The following APOBEC3D variants were observed in gnomAD, a reference collection of about 807,000 sequenced individuals.
APOBEC3D encodes DNA dC->dU-editing enzyme APOBEC-3D.
In APOBEC3D, 37 loss-of-function variants were observed where a neutral mutation model predicts 45.6. The ratio of observed to expected loss-of-function variants is 0.81; its 90% CI spans 0.62 to 1.07. The LOEUF is 1.07. APOBEC3D is among the 50% of genes least tolerant of loss of function. The probability of loss-of-function intolerance (pLI) is 0.00; values close to 1 mark genes in which losing one functional copy is unlikely to be tolerated. For missense variants in APOBEC3D, 496 were observed against 495.3 expected (o/e 1.00, Z -0.01); for synonymous variants, 175 against 180.7 (o/e 0.97, Z 0.25).
In APOBEC3D at chr22:39,021,342, G is replaced by A. The variant is rs1246038904; in HGVS notation, c.-178G>A. 2.8e-6 allele frequency: 2 copies of A among 719,642 alleles called. No homozygotes were observed. Among genetic ancestry groups the A allele is most frequent in the South Asian group, 1.6e-5 (1 of 60,978 alleles). 44.6% of individuals were successfully genotyped at this position (719,642 alleles called of 1,614,324 possible). A position where few individuals can be genotyped will look rare whatever the true frequency, so the allele number is the denominator to read the frequency against. Reference sequence around the variant, plus strand: ...AGGCTGGTCTCGAACTCCTGACCTCGTGATCCGCCCGCCTCGGCCTCCCAA... The same window carrying A: ...AGGCTGGTCTCGAACTCCTGACCTCATGATCCGCCCGCCTCGGCCTCCCAA... On this transcript the variant is annotated 5_prime_UTR_variant, in exon 1 of 7. In the 5' UTR this introduces an upstream ATG that the reference lacks. Coordinates refer to ENST00000216099, the MANE Select transcript of APOBEC3D (RefSeq NM_152426.4).
At chr22:39,029,598 C>T (rs1203995368) in intron 5 of APOBEC3D, 79 bp downstream of exon 5, 1 of 1,550,904 alleles carries the variant, frequency 6.4e-7, no homozygotes, top group African/African-American at 1.4e-5. Flanking sequence ...GTGACGTGCC[C>T]CGCGTGGGCT....
rs768328610 is a variant in APOBEC3D, at chr22:39,031,719, C to T, written c.788C>T (p.Ala263Val). 4.6e-5 allele frequency: 74 copies of T among 1,612,616 alleles called. No homozygotes were observed. Among genetic ancestry groups the T allele is most frequent in the Non-Finnish European group, 5.9e-5 (70 of 1,178,846 alleles). The change falls in exon 6 of 7, where the codon GCA becomes GTA. Residue 263 changes from alanine (A) to valine (V), a missense_variant. Physicochemically the swap from Ala to Val is moderately conservative, Grantham distance 64 (BLOSUM62 0). Transcript: ENST00000216099. The stretch of plus-strand genomic sequence containing the variant: ...GTGGATCCTGAGACCCATTGTCATG[C>T]AGAAAGGTGCTTCCTCTCTTGGTTC... ...NQVDPETHCH[A>V]ERCFLSWFCD... is the part of the protein sequence containing the mutation.
intron 4 of APOBEC3D, among the ~76,000 whole-genome samples, chr22:39,027,216 G>GAAC (rs1925760727): frequency 1.3e-5 from 2 of 152,164 alleles, no homozygotes; most frequent in African/African-American, 4.8e-5. Flanking sequence ...GCCTGCCAGG[G>GAAC]AACAACTCTG....
intron 5 of APOBEC3D, among the ~76,000 whole-genome samples, chr22:39,030,115 GGT>G (rs773390790): frequency 6.6e-6 from 1 of 150,384 alleles, no homozygotes; most frequent in Non-Finnish European, 1.5e-5. Context: ...CGGTGGGTCT[GGT>G]GTCCAGCACT....
intron 4 of APOBEC3D, among the ~76,000 whole-genome samples, chr22:39,026,915 T>A (rs1318969260): frequency 2.0e-5 from 3 of 151,986 alleles, no homozygotes; most frequent in African/African-American, 7.3e-5. Flanking sequence ...CCATGCCGGC[T>A]AATTTTTGTA....
intron 5 of APOBEC3D, 66 bp from the exon 6 acceptor site, chr22:39,031,628 C>G: frequency 2.5e-6 from 4 of 1,590,714 alleles, no homozygotes; most frequent in Non-Finnish European, 3.4e-6. Flanking sequence ...CTCCCATCGC[C>G]CCACCCCTAC....
chr22:39,025,924 C>T (rs1925615665), intron 4 of APOBEC3D, among the ~76,000 whole-genome samples: 1 of 152,152 alleles, frequency 6.6e-6, no homozygotes, highest in Non-Finnish European at 1.5e-5. Context: ...GGCTGCCCTC[C>T]CCACAGCCTG....
intron 3 of APOBEC3D, 52 bp from the exon 4 acceptor site, chr22:39,025,505 G>A (rs1423866442): frequency 1.2e-6 from 2 of 1,613,962 alleles, no homozygotes; most frequent in East Asian, 2.2e-5. Context: ...GCCTGGGAGG[G>A]CAGGCCCAGG....
At position 39,022,703 on chromosome 22, in the gene APOBEC3D, G is replaced by C. The variant is rs576470540; in HGVS notation, c.18-119G>C. The C allele has an allele frequency of 1.8e-5, 24 of 1,326,366 alleles. No individual in the cohort carries two copies. The South Asian group carries it at 3.7e-4, about 20-fold the overall frequency. The allele number at this position is 1,326,366 out of a possible 1,614,324, so 82.2% of individuals were successfully genotyped here. ...CCTGGGAAGGCAGCAGAAATTCTCAGGGCTGTGGAGGGGTGGGGGAGGCCC... is the reference window on the plus strand; with the variant it reads ...CCTGGGAAGGCAGCAGAAATTCTCACGGCTGTGGAGGGGTGGGGGAGGCCC... On this transcript the variant is annotated intron_variant, in intron 1 of 6. Coordinates refer to ENST00000216099, the MANE Select transcript of APOBEC3D (RefSeq NM_152426.4).
At chr22:39,025,773 C>A (rs1020190561) in intron 4 of APOBEC3D, 102 bp downstream of exon 4, 5 of 1,585,344 alleles carry the variant, frequency 3.2e-6, no homozygotes, top group East Asian at 2.2e-5. Context: ...GTCCTGCCCC[C>A]CTGCCTGCCC....
chr22:39,029,041 A>T (rs1038301868), intron 4 of APOBEC3D, among the ~76,000 whole-genome samples: 1 of 152,244 alleles, frequency 6.6e-6, no homozygotes, highest in Non-Finnish European at 1.5e-5. Flanking sequence ...CAATTATTTC[A>T]GGGTGAAGAG....
rs776328259 is a variant in APOBEC3D at position 39,032,320 on chromosome 22, G to A, written c.*4G>A. ...GCTACGGGAGATTCTCCAGTGAGGGGTCTCCCTGGGCCTCATGGTCTGTCT... is the reference window on the plus strand; with the variant it reads ...GCTACGGGAGATTCTCCAGTGAGGGATCTCCCTGGGCCTCATGGTCTGTCT... On this transcript the variant is annotated 3_prime_UTR_variant, in exon 7 of 7. Transcript: ENST00000216099. The A allele has an allele frequency of 1.4e-4, 225 of 1,613,746 alleles. 1 individual carries two copies. Among genetic ancestry groups the A allele is most frequent in the Non-Finnish European group, 1.7e-4 (203 of 1,179,884 alleles).
At chr22:39,024,266 C>T (rs1925411918) in intron 2 of APOBEC3D, among the ~76,000 whole-genome samples, 1 of 152,190 alleles carries the variant, frequency 6.6e-6, no homozygotes, top group South Asian at 2.1e-4. Context: ...GTTTCAGATG[C>T]TCAGTAGCGC....
chr22:39,025,888 C>A (rs940562817), intron 4 of APOBEC3D, among the ~76,000 whole-genome samples: 7 of 152,098 alleles, frequency 4.6e-5, no homozygotes, highest in African/African-American at 1.7e-4. Flanking sequence ...CCTTCTGCCT[C>A]CAGAGCGACC....
At position 39,033,225 on chromosome 22, in the gene APOBEC3D, T is replaced by A. The variant is rs1357993864; in HGVS notation, c.*909T>A. 1.0e-6 allele frequency: 1 copy of A among 972,314 alleles called. No individual in the cohort carries two copies. The highest frequency in any genetic ancestry group is 1.2e-6 in the Non-Finnish European group (1 of 818,222). The allele number at this position is 972,314 out of a possible 1,614,324, so 60.2% of individuals were successfully genotyped here. ...GATCAAGACCCTGCCTGAAAATAAATCAATAAATACACTCAACCTAAATGG... is the reference window on the plus strand; with the variant it reads ...GATCAAGACCCTGCCTGAAAATAAAACAATAAATACACTCAACCTAAATGG... On this transcript the variant is annotated 3_prime_UTR_variant, in exon 7 of 7. Coordinates refer to ENST00000216099, the MANE Select transcript of APOBEC3D (RefSeq NM_152426.4).
rs540100319 is a variant in APOBEC3D, at chr22:39,022,863, A to G, written c.59A>G (p.Asn20Ser). ...ATGTATCGAGACACATTCTACGACA[A>G]CTTTGAAAACGAACCCATCCTCTAT... ...ERMYRDTFYD[N>S]FENEPILYGR... Residue 20 changes from asparagine (N) to serine (S), a missense_variant, in exon 2 of 7, where the codon AAC (asparagine) becomes AGC (serine). By Grantham distance (46) the Asn-to-Ser change is conservative. Coordinates refer to ENST00000216099, the MANE Select transcript of APOBEC3D (RefSeq NM_152426.4). The G allele has an allele frequency of 9.9e-6, 16 of 1,612,104 alleles. No individual in the cohort carries two copies. Among genetic ancestry groups the G allele is most frequent in the Middle Eastern group, 2.0e-4 (1 of 5,126 alleles).
At chr22:39,026,751 T>G (rs531453708) in intron 4 of APOBEC3D, among the ~76,000 whole-genome samples, 15 of 149,034 alleles carry the variant, frequency 1.0e-4, no homozygotes, top group African/African-American at 3.9e-4. Flanking sequence ...TGAGTAAGGT[T>G]TTTTTGTTTT....
chr22:39,025,050 T>G lies in APOBEC3D; in HGVS notation c.211-20T>G, dbSNP rs757356815. The G allele has an allele frequency of 9.9e-6, 11 of 1,106,418 alleles. 1 individual carries two copies. In the South Asian group the frequency reaches 2.2e-4, roughly 22 times the overall value. The allele number at this position is 1,106,418 out of a possible 1,614,324, so 68.5% of individuals were successfully genotyped here. ...TGTTCCCCCGTCCCAGAGCTTCCCC[T>G]GCCCCTGCTCCTCTCCCAGGTGTAT... On this transcript the variant is annotated intron_variant, in intron 2 of 6. Transcript: ENST00000216099.
chr22:39,032,654 C>T lies in APOBEC3D; in HGVS notation c.*338C>T. 1.0e-6 allele frequency: 1 copy of T among 980,150 alleles called. No individual in the cohort carries two copies. The highest frequency in any genetic ancestry group is 1.2e-6 in the Non-Finnish European group (1 of 819,038). 60.7% of individuals were successfully genotyped at this position (980,150 alleles called of 1,614,324 possible). A position where few individuals can be genotyped will look rare whatever the true frequency, so the allele number is the denominator to read the frequency against. On this transcript the variant is annotated 3_prime_UTR_variant, in exon 7 of 7. Transcript: ENST00000216099. ...TGTCGCCCAGACTAGAGTGCAATGG[C>T]TGGATCTCAGCTCACTGCAAACTCT... is the stretch of plus-strand genomic sequence containing the variant.
Sources: gnomAD v4.1 joint callset for allele counts (sites outside exome capture counted in the v4.1 genomes callset) on GRCh38, gnomAD v4.1.1 for gene constraint, MANE v1.5 for transcripts, NCBI Gene and HGNC (gene_info 2026-07-23, HGNC 2026-07-21) for gene names.